FBF1: variants seen among roughly 807,000 people sequenced by gnomAD.
FBF1 encodes the protein Fas binding factor 1.
Under a neutral mutation model 147.2 loss-of-function variants are expected in FBF1, and 119 were observed. The observed-to-expected ratio is 0.81, with a 90% CI of 0.70 to 0.94. The LOEUF (loss-of-function observed/expected upper bound fraction) is 0.94, where lower values mean the gene tolerates loss of function less well. FBF1 is among the 40% of genes least tolerant of loss of function. The pLI, the probability that FBF1 is intolerant of heterozygous loss-of-function variation, is 0.00. For synonymous variants in FBF1, 601 were observed against 609.0 expected (o/e 0.99, Z 0.19); for missense variants, 1,449 against 1,500.8 (o/e 0.97, Z 0.57).
At chr17:75,931,677 A>G (rs1239716313) in intron 5 of FBF1, among the ~76,000 whole-genome samples, 1 of 151,784 alleles carries the variant, frequency 6.6e-6, no homozygotes, top group Non-Finnish European at 1.5e-5. Flanking sequence ...CCAGCTACTC[A>G]GGAGGCTGAG....
intron 4 of FBF1, among the ~76,000 whole-genome samples, chr17:75,933,396 T>G (rs1444393858): frequency 2.6e-5 from 4 of 152,116 alleles, no homozygotes; most frequent in African/African-American, 9.7e-5. Flanking sequence ...AACTGTAGGC[T>G]GGAATACATG....
intron 15 of FBF1, 43 bp from the exon 16 acceptor site, chr17:75,921,603 G>A (rs375209365): frequency 5.2e-6 from 8 of 1,532,532 alleles, no homozygotes; most frequent in Non-Finnish European, 7.2e-6. Flanking sequence ...CCTCTGTGTG[G>A]GACACGGGGA....
At chr17:75,911,030 G>A (rs1213171882) in intron 29 of FBF1, among the ~76,000 whole-genome samples, 2 of 152,186 alleles carry the variant, frequency 1.3e-5, no homozygotes, top group African/African-American at 4.8e-5. Flanking sequence ...GAACTTACGA[G>A]CACATGACTT....
chr17:75,917,829 T>A lies in FBF1; in HGVS notation c.2408A>T (p.Gln803Leu). ...QLRALQERLG[Q>L]QQRDMEEERS... The stretch of plus-strand genomic sequence containing the variant: ...CTCCTCCTCCATGTCCCGCTGCTGC[T>A]GGCCCAGCCGCTCCTGCAGTGCTGG... Residue 803 changes from glutamine to leucine, a missense_variant, in exon 23 of 30, where the codon CAG becomes CTG. Transcript: ENST00000636174. 1 of 1,605,316 alleles carries A rather than the reference T, an allele frequency of 6.2e-7. No homozygotes were observed. The highest frequency in any genetic ancestry group is 8.5e-7 in the Non-Finnish European group (1 of 1,177,484).
intron 1 of FBF1, among the ~76,000 whole-genome samples, chr17:75,938,972 C>T (rs1052514399): frequency 1.3e-5 from 2 of 151,816 alleles, no homozygotes; most frequent in Admixed American, 6.6e-5. Context: ...TTAAAAATTC[C>T]TTATAGGGGA....
At chr17:75,920,178 A>C in intron 18 of FBF1, 71 bp from the exon 19 acceptor site, 1 of 1,588,240 alleles carries the variant, frequency 6.3e-7, no homozygotes, top group Non-Finnish European at 8.6e-7. Flanking sequence ...CTGTGCCAAC[A>C]GCCCTTCCTC....
rs547913554 is a variant in FBF1, at chr17:75,928,433, A to G, written c.280-240T>C. ...ATGAGAGACTCAAAGTCAGCACCAA[A>G]AATTGAGTCAGAGGACTTGTGGGTT... On this transcript the variant is annotated intron_variant, in intron 7 of 29. Transcript: ENST00000636174. This position sits in a 1 kb window ranked among gnomAD's most constrained non-coding sequence, Gnocchi z 4.2. Among the ~76,000 whole-genome samples, 1 of 152,262 alleles carries G rather than the reference A, an allele frequency of 6.6e-6. No individual in the cohort carries two copies. Among genetic ancestry groups the G allele is most frequent in the African/African-American group, 2.4e-5 (1 of 41,558 alleles).
At chr17:75,914,324 A>G in intron 25 of FBF1, 26 bp from the exon 26 acceptor site, 1 of 1,574,526 alleles carries the variant, frequency 6.4e-7, no homozygotes, top group Non-Finnish European at 8.6e-7. Context: ...GCCCTGCTGC[A>G]TTCTCCTCCC....
chr17:75,927,040 C>T (rs1340429542), intron 9 of FBF1, among the ~76,000 whole-genome samples, 163 bp from the exon 10 acceptor site: 2 of 152,128 alleles, frequency 1.3e-5, no homozygotes, highest in Admixed American at 1.3e-4. Context: ...GGGGACTCCA[C>T]AAAAAGACAG....
At position 75,926,772 on chromosome 17, in the gene FBF1, G is replaced by A; in HGVS notation, c.581C>T (p.Thr194Ile). ...SKTASDKSPS[T>I]VRDQGPSIPL... ...CTCCACCCTACCTTGATCTCTCACT[G>A]TGCTGGGGCTCTTGTCAGAAGCTGT... The change falls in exon 10 of 30, where the codon ACA becomes ATA. Residue 194 changes from threonine to isoleucine, a missense_variant. Transcript: ENST00000636174. 6.2e-7 allele frequency: 1 copy of A among 1,613,602 alleles called. No homozygotes were observed. The highest frequency in any genetic ancestry group is 8.5e-7 in the Non-Finnish European group (1 of 1,179,758).
intron 1 of FBF1, 23 bp from the exon 2 acceptor site, chr17:75,938,255 T>C: frequency 6.5e-7 from 1 of 1,539,286 alleles, no homozygotes; most frequent in South Asian, 1.2e-5. Context: ...ATTAAAGTGG[T>C]TGCTTAAAAA....
chr17:75,927,336 GTAAACCAGTGGCACCCA>G lies in FBF1; in HGVS notation c.475+102_475+118del, dbSNP rs1239628256. 9 of 779,422 alleles carry G rather than the reference GTAAACCAGTGGCACCCA, an allele frequency of 1.2e-5. No homozygotes were observed. In the Middle Eastern group the frequency reaches 7.3e-4, roughly 63 times the overall value. The allele number at this position is 779,422 out of a possible 1,614,324, so 48.3% of individuals were successfully genotyped here. ...GGTCCCGACATGAATTCACGAGGAAGTAAACCAGTGGCACCCATGTGACATAGGCAGCAGCTGGGCCT... is the reference window on the plus strand; with the variant it reads ...GGTCCCGACATGAATTCACGAGGAAGTGTGACATAGGCAGCAGCTGGGCCT... On this transcript the variant is annotated intron_variant, in intron 9 of 29. Coordinates refer to ENST00000636174, the MANE Select transcript of FBF1 (RefSeq NM_001319193.2).
intron 1 of FBF1, among the ~76,000 whole-genome samples, chr17:75,939,297 A>G (rs997786029): frequency 1.5e-5 from 1 of 66,648 alleles, no homozygotes; most frequent in Non-Finnish European, 2.8e-5. Context: ...TCTGTCTCCA[A>G]AAAAAAAAAA....
chr17:75,913,236 C>G (rs995977840), intron 28 of FBF1, among the ~76,000 whole-genome samples: 3 of 149,150 alleles, frequency 2.0e-5, no homozygotes, highest in Non-Finnish European at 3.0e-5. Flanking sequence ...GCAACCTCCA[C>G]TTCTCGGGTT....
intron 17 of FBF1, 35 bp from the exon 18 acceptor site, chr17:75,920,464 G>C (rs370010567): frequency 1.5e-5 from 24 of 1,570,320 alleles, no homozygotes; most frequent in African/African-American, 8.1e-5. Flanking sequence ...TCTAGTTAGG[G>C]AGGGGACAGG....
chr17:75,910,116 C>A lies in FBF1; in HGVS notation c.*607G>T. ...TGTTCACCCAAACTGGTTGGTCCTT[C>A]GGGCAATGCTGGGAATAGGGTGGGG... On this transcript the variant is annotated 3_prime_UTR_variant, in exon 30 of 30. Transcript: ENST00000636174. The surrounding 1 kb of genome is among the most constrained non-coding windows in gnomAD (Gnocchi z 4.1). 1 of 515,424 alleles carries A rather than the reference C, an allele frequency of 1.9e-6. No homozygotes were observed. Among genetic ancestry groups the A allele is most frequent in the Non-Finnish European group, 3.7e-6 (1 of 268,522 alleles). The allele number at this position is 515,424 out of a possible 1,614,324, so 31.9% of individuals were successfully genotyped here.
intron 17 of FBF1, 24 bp downstream of exon 17, chr17:75,921,220 A>C: frequency 6.4e-7 from 1 of 1,569,906 alleles, no homozygotes; most frequent in Non-Finnish European, 8.6e-7. Flanking sequence ...GCCCTGAGCT[A>C]GACCTGTCTG....
At chr17:75,931,141 C>T in intron 6 of FBF1, 88 bp downstream of exon 6, 2 of 1,394,952 alleles carry the variant, frequency 1.4e-6, no homozygotes, top group Non-Finnish European at 2.0e-6. Flanking sequence ...GACTTCTAAA[C>T]CCTTCCGTGG....
chr17:75,912,351 A>T, intron 28 of FBF1, 44 bp from the exon 29 acceptor site: 1 of 1,453,670 alleles, frequency 6.9e-7, no homozygotes, highest in East Asian at 2.4e-5. Context: ...GTGTTGGTGG[A>T]AATACCGGGC....
Sources: gnomAD v4.1 joint callset for allele counts (sites outside exome capture counted in the v4.1 genomes callset) on GRCh38, gnomAD v4.1.1 for gene constraint, Gnocchi (gnomAD v3.1) non-coding constraint, MANE v1.5 for transcripts, NCBI Gene and HGNC (gene_info 2026-07-23, HGNC 2026-07-21) for gene names.